Variants in MIER1 observed in about 807,000 individuals in gnomAD.
The protein encoded by MIER1 is MIER1 transcriptional regulator, also known as mesoderm induction early response protein 1.
MIER1 carries 40 observed loss-of-function variants against 75.7 expected under a neutral mutation model. The observed-to-expected ratio is 0.53, with a 90% CI of 0.41 to 0.69. The LOEUF is 0.69. MIER1 is among the 30% of genes least tolerant of loss of function. The pLI, the probability that MIER1 is intolerant of heterozygous loss-of-function variation, is 0.00. For synonymous variants in MIER1, 213 were observed against 223.4 expected, an observed-to-expected ratio of 0.95 and a Z score of 0.42; for missense variants, 574 against 680.2, an observed-to-expected ratio of 0.84 and a Z score of 1.74.
In MIER1 at chr1:66,984,633, A is replaced by G. The variant is rs1666526569; in HGVS notation, c.1431A>G (p.Leu477=). Reference sequence around the variant, plus strand: ...AAGAGGAAGTAAAAGTTGAAGGGTTACACATTAATGGACCAACAGGTGGAA... The same window carrying G: ...AAGAGGAAGTAAAAGTTGAAGGGTTGCACATTAATGGACCAACAGGTGGAA... ...LNKEEVKVEG[L]HINGPTGGNK... is the part of the protein sequence containing the mutation. The change falls in exon 14 of 14, where the codon TTA becomes TTG. Residue 477 remains leucine (L), a synonymous_variant. Transcript: ENST00000401041. 6.2e-7 allele frequency: 1 copy of G among 1,613,508 alleles called. No individual in the cohort carries two copies. The highest frequency in any genetic ancestry group is 8.5e-7 in the Non-Finnish European group (1 of 1,179,722).
At chr1:66,982,268 GAT>G (rs549275898) in intron 13 of MIER1, among the ~76,000 whole-genome samples, 176 of 152,238 alleles carry the variant, frequency 1.2e-3, no homozygotes, top group African/African-American at 3.9e-3. Flanking sequence ...TTTCACATGA[GAT>G]ATACAGATCA....
At chr1:66,972,236 ATATATAT>A (rs1558099947) in intron 10 of MIER1, among the ~76,000 whole-genome samples, 1 of 81,858 alleles carries the variant, frequency 1.2e-5, no homozygotes, top group African/African-American at 7.5e-5. Context: ...TATACACTAC[ATATATAT>A]ATATATATAT....
chr1:66,970,400 A>G (rs1663360292), intron 8 of MIER1, among the ~76,000 whole-genome samples: 1 of 152,224 alleles, frequency 6.6e-6, no homozygotes, highest in Non-Finnish European at 1.5e-5. Context: ...GGATTTTAGT[A>G]TGTGCCAGAA....
At chr1:66,940,358 T>G (rs1234338613) in intron 3 of MIER1, 1 of 241,436 alleles carries the variant, frequency 4.1e-6, no homozygotes, top group Non-Finnish European at 7.9e-6. Context: ...ATATATAAAT[T>G]GTGCTTTTTA....
intron 4 of MIER1, chr1:66,947,904 A>C: frequency 1.0e-6 from 1 of 985,248 alleles, no homozygotes; most frequent in Non-Finnish European, 1.2e-6. Flanking sequence ...TGGTATATGC[A>C]TCCCAAGGCC....
intron 4 of MIER1, among the ~76,000 whole-genome samples, chr1:66,950,228 C>T (rs564417064): frequency 6.6e-6 from 1 of 152,162 alleles, no homozygotes; most frequent in African/African-American, 2.4e-5. Flanking sequence ...CCTGCCTCAG[C>T]CTCTTGAGTA....
chr1:66,939,008 G>A (rs1655571282), intron 2 of MIER1, among the ~76,000 whole-genome samples: 2 of 151,950 alleles, frequency 1.3e-5, no homozygotes, highest in Admixed American at 1.3e-4. Flanking sequence ...CCTCTTTTCT[G>A]TTTTCTTCTT....
intron 7 of MIER1, among the ~76,000 whole-genome samples, chr1:66,961,845 T>C (rs1218421127): frequency 6.6e-6 from 1 of 152,236 alleles, no homozygotes. Flanking sequence ...GAAAATTTGT[T>C]GTAAGTTTGA....
rs573210901 is a variant in MIER1, at chr1:66,955,928, C to T, written c.340-2131C>T. Among the ~76,000 whole-genome samples, 16 of 152,242 alleles carry T rather than the reference C, an allele frequency of 1.1e-4. No homozygotes were observed. The South Asian group carries it at 1.9e-3, about 18-fold the overall frequency. On this transcript the variant is annotated intron_variant, in intron 4 of 13. Transcript: ENST00000401041. ...ATTATAATAAAGTATCAGTGCCTGACGTTTCTCTGCCTGGTTTCCTTATTT... is the reference window on the plus strand; with the variant it reads ...ATTATAATAAAGTATCAGTGCCTGATGTTTCTCTGCCTGGTTTCCTTATTT...
intron 3 of MIER1, among the ~76,000 whole-genome samples, chr1:66,941,313 T>G (rs1656151357): frequency 6.6e-6 from 1 of 152,154 alleles, no homozygotes; most frequent in Non-Finnish European, 1.5e-5. Flanking sequence ...GAAACTCAAT[T>G]TTTTTTGAAC....
chr1:66,940,138 T>G, intron 3 of MIER1, 86 bp downstream of exon 3: 1 of 948,244 alleles, frequency 1.1e-6, no homozygotes, highest in Non-Finnish European at 1.6e-6. Flanking sequence ...GTTAGACTAT[T>G]ATCTGACTTG....
In MIER1 at chr1:66,954,553, C is replaced by G. The variant is rs149760031; in HGVS notation, c.340-3506C>G. 5.3e-5 allele frequency among the ~76,000 whole-genome samples: 8 copies of G among 152,256 alleles called. No individual in the cohort carries two copies. In the East Asian group the frequency reaches 1.2e-3, roughly 22 times the overall value. On this transcript the variant is annotated intron_variant, in intron 4 of 13. Coordinates refer to ENST00000401041, the MANE Select transcript of MIER1 (RefSeq NM_001077700.3). ...ATTTGCTCTGACTTGAATGACTTTT[C>G]TCCATCTGTGCCAGTTCTATTACGA... is the stretch of plus-strand genomic sequence containing the variant.
chr1:66,930,083 C>G (rs1652733571), intron 2 of MIER1, among the ~76,000 whole-genome samples: 2 of 152,106 alleles, frequency 1.3e-5, no homozygotes, highest in South Asian at 4.1e-4. Context: ...TCCTCCCACA[C>G]CCACCTTGAC....
intron 8 of MIER1, among the ~76,000 whole-genome samples, chr1:66,965,025 A>G (rs1662096088): frequency 6.6e-6 from 1 of 152,168 alleles, no homozygotes; most frequent in Non-Finnish European, 1.5e-5. Context: ...TGTGATAGCA[A>G]TATGTTTTAA....
In MIER1 at chr1:66,986,445, G is replaced by A; in HGVS notation, c.*1545G>A. The A allele has an allele frequency of 6.2e-7, 1 of 1,612,204 alleles. No individual in the cohort carries two copies. The highest frequency in any genetic ancestry group is 8.5e-7 in the Non-Finnish European group (1 of 1,179,170). On this transcript the variant is annotated 3_prime_UTR_variant, in exon 14 of 14. Transcript: ENST00000401041. ...CTTCCAGTTCATTTTTCAGCCATCAGTTCAAGAGCCAATGCCTTTTTAAAA... is the reference window on the plus strand; with the variant it reads ...CTTCCAGTTCATTTTTCAGCCATCAATTCAAGAGCCAATGCCTTTTTAAAA...
At position 66,959,892 on chromosome 1, in the gene MIER1, G is replaced by C. The variant is rs1260527783; in HGVS notation, c.699+149G>C. On this transcript the variant is annotated intron_variant, in intron 7 of 13. Coordinates refer to ENST00000401041, the MANE Select transcript of MIER1 (RefSeq NM_001077700.3). ...CATTTAAATGTTTGGTAAATGTTCA[G>C]ATTCCTTCTTAACACATCTAGGTTA... The C allele has an allele frequency of 1.0e-5, 4 of 387,754 alleles. No individual in the cohort carries two copies. The South Asian group carries it at 1.8e-4, about 17-fold the overall frequency. The allele number at this position is 387,754 out of a possible 1,614,324, so 24.0% of individuals were successfully genotyped here. A position where few individuals can be genotyped will look rare whatever the true frequency, so the allele number is the denominator to read the frequency against.
chr1:66,934,408 T>TC (rs1444034254), intron 2 of MIER1, among the ~76,000 whole-genome samples: 27 of 148,510 alleles, frequency 1.8e-4, no homozygotes, highest in African/African-American at 5.2e-4. Context: ...TTTCTTTCTT[T>TC]TTTTTTTTTT....
At chr1:66,954,213 TA>T (rs1659616114) in intron 4 of MIER1, among the ~76,000 whole-genome samples, 2 of 152,210 alleles carry the variant, frequency 1.3e-5, no homozygotes, top group Non-Finnish European at 2.9e-5. Flanking sequence ...GCAAGCAAAC[TA>T]AATCTTCCCC....
At chr1:66,929,336 G>T (rs1271364265) in intron 2 of MIER1, among the ~76,000 whole-genome samples, 1 of 152,180 alleles carries the variant, frequency 6.6e-6, no homozygotes. Context: ...TTGAAATAAA[G>T]ACTTTCAAAC....
Sources: allele counts gnomAD v4.1 joint callset (sites outside exome capture counted in the v4.1 genomes callset), GRCh38; gene constraint gnomAD v4.1.1; transcripts MANE v1.5; gene names NCBI Gene and HGNC (gene_info 2026-07-23, HGNC 2026-07-21).